FGD5: variants seen among roughly 807,000 people sequenced by gnomAD.
FGD5 encodes the protein FYVE, RhoGEF and PH domain containing 5, also known as FYVE, RhoGEF and PH domain-containing protein 5.
Under a neutral mutation model 133.4 loss-of-function variants are expected in FGD5, and 28 were observed. The observed-to-expected ratio is 0.21, with a 90% confidence interval of 0.16 to 0.29. The LOEUF (loss-of-function observed/expected upper bound fraction) is 0.29, where lower values mean the gene tolerates loss of function less well. FGD5 is among the 10% of genes least tolerant of loss of function. The pLI, the probability that FGD5 is intolerant of heterozygous loss-of-function variation, is 1.00. For synonymous variants in FGD5, 810 were observed against 776.5 expected (o/e 1.04, Z -0.72); for missense variants, 1,858 against 1,895.2 (o/e 0.98, Z 0.36).
chr3:14,826,476 T>C (rs747858021), intron 1 of FGD5, among the ~76,000 whole-genome samples: 16 of 152,206 alleles, frequency 1.1e-4, no homozygotes, highest in Non-Finnish European at 2.4e-4. Context: ...TGCCTGGGTA[T>C]TGGTCTACAC....
chr3:14,903,498 C>T (rs1416757027), intron 9 of FGD5, among the ~76,000 whole-genome samples: 1 of 113,598 alleles, frequency 8.8e-6, no homozygotes, highest in African/African-American at 3.3e-5. Flanking sequence ...TGCTATCCCT[C>T]CCCCCTCCCC....
At chr3:14,905,281 T>A (rs2038317430) in intron 9 of FGD5, among the ~76,000 whole-genome samples, 1 of 152,154 alleles carries the variant, frequency 6.6e-6, no homozygotes, top group African/African-American at 2.4e-5. Flanking sequence ...ATGTGTCCCT[T>A]TTCTCTGGCT....
At chr3:14,838,892 C>A (rs112605087) in intron 1 of FGD5, among the ~76,000 whole-genome samples, 2 of 152,182 alleles carry the variant, frequency 1.3e-5, no homozygotes, top group South Asian at 2.1e-4. Context: ...TTTCCTACCC[C>A]CTCTGCCCCC....
chr3:14,900,282 A>AG (rs2038213174), intron 7 of FGD5, 121 bp from the exon 8 acceptor site: 1 of 930,696 alleles, frequency 1.1e-6, no homozygotes, highest in Admixed American at 2.0e-5. Context: ...TGGGGCCAGC[A>AG]GGGGAGAGAG....
chr3:14,832,887 G>A (rs992964301), intron 1 of FGD5, among the ~76,000 whole-genome samples: 7 of 151,936 alleles, frequency 4.6e-5, no homozygotes, highest in South Asian at 2.1e-4. Context: ...GAAAAAGAAC[G>A]GCACACACTA....
intron 9 of FGD5, among the ~76,000 whole-genome samples, chr3:14,903,459 C>T (rs1032415603): frequency 3.3e-5 from 5 of 150,614 alleles, no homozygotes; most frequent in Non-Finnish European, 5.9e-5. Context: ...CCCACTAACT[C>T]GTCATCTAGC....
At chr3:14,915,859 C>A (rs1308613587) in intron 11 of FGD5, among the ~76,000 whole-genome samples, 1 of 136,824 alleles carries the variant, frequency 7.3e-6, no homozygotes, top group East Asian at 2.2e-4. Flanking sequence ...TTCACCCTGG[C>A]TGATGTTGGC....
intron 9 of FGD5, among the ~76,000 whole-genome samples, chr3:14,902,910 A>ACGG (rs2038269689): frequency 6.6e-6 from 1 of 152,106 alleles, no homozygotes; most frequent in African/African-American, 2.4e-5. Flanking sequence ...GGAGCAGCCG[A>ACGG]CGGCCAGACA....
intron 1 of FGD5, 124 bp downstream of exon 1, chr3:14,821,720 C>T (rs1261094354): frequency 7.4e-7 from 1 of 1,350,226 alleles, no homozygotes; most frequent in South Asian, 1.6e-5. Flanking sequence ...GCTGTGTTGA[C>T]TTGGGGTGAG....
chr3:14,923,292 T>C (rs2038724476), intron 16 of FGD5, 117 bp downstream of exon 16: 8 of 1,367,292 alleles, frequency 5.9e-6, no homozygotes, highest in Non-Finnish European at 5.9e-6. Flanking sequence ...GAGGGAGTTA[T>C]TCACTCCATG....
intron 4 of FGD5, among the ~76,000 whole-genome samples, chr3:14,892,539 C>T (rs977989981): frequency 1.2e-4 from 18 of 152,028 alleles, no homozygotes; most frequent in African/African-American, 4.3e-4. Flanking sequence ...TCCAGCAGGC[C>T]GGGCGCGGTG....
At chr3:14,876,373 G>A (rs2037720093) in intron 2 of FGD5, among the ~76,000 whole-genome samples, 1 of 152,112 alleles carries the variant, frequency 6.6e-6, no homozygotes, top group African/African-American at 2.4e-5. Context: ...AAATGATCGA[G>A]GGCCCCAAAG....
chr3:14,869,611 A>G (rs1238011180), intron 2 of FGD5, among the ~76,000 whole-genome samples: 1 of 151,904 alleles, frequency 6.6e-6, no homozygotes, highest in African/African-American at 2.4e-5. Flanking sequence ...CTCCTCCCCT[A>G]TCCCCTGGCA....
chr3:14,857,237 C>A (rs968785814), intron 1 of FGD5, among the ~76,000 whole-genome samples: 3 of 136,426 alleles, frequency 2.2e-5, no homozygotes, highest in African/African-American at 8.3e-5. Context: ...GCAGCCTCCA[C>A]CCCCCCAGGC....
intron 1 of FGD5, among the ~76,000 whole-genome samples, chr3:14,825,987 AT>A (rs2036590317): frequency 6.7e-6 from 1 of 150,250 alleles, no homozygotes; most frequent in Non-Finnish European, 1.5e-5. Flanking sequence ...GTATACAGTT[AT>A]TACATACCTG....
intron 1 of FGD5, among the ~76,000 whole-genome samples, chr3:14,850,543 C>T (rs192052606): frequency 1.7e-3 from 262 of 152,290 alleles, no homozygotes; most frequent in African/African-American, 5.8e-3. Flanking sequence ...GAGGAAGTCA[C>T]CTCCATCAGC....
intron 4 of FGD5, among the ~76,000 whole-genome samples, chr3:14,894,560 G>A (rs1413309933): frequency 6.7e-6 from 1 of 148,958 alleles, no homozygotes; most frequent in African/African-American, 2.5e-5. Flanking sequence ...CTGTCACCCA[G>A]GCTGGAGTGC....
intron 4 of FGD5, among the ~76,000 whole-genome samples, chr3:14,883,340 G>A (rs1048468338): frequency 2.6e-5 from 4 of 152,190 alleles, no homozygotes; most frequent in Non-Finnish European, 5.9e-5. Flanking sequence ...TTTAACGGCT[G>A]CCTTCCATCC....
At chr3:14,880,870 T>C (rs2037811923) in intron 4 of FGD5, 98 bp downstream of exon 4, 1 of 1,475,742 alleles carries the variant, frequency 6.8e-7, no homozygotes, top group African/African-American at 1.4e-5. Context: ...GTGATTTCCA[T>C]TAACAGAGGC....
Sources: allele counts gnomAD v4.1 joint callset (sites outside exome capture counted in the v4.1 genomes callset), GRCh38; gene constraint gnomAD v4.1.1; transcripts MANE v1.5; gene names NCBI Gene and HGNC (gene_info 2026-07-23, HGNC 2026-07-21).